Variants in PLA2G4A observed in about 807,000 individuals in gnomAD.
The protein encoded by PLA2G4A is phospholipase A2 group IVA, also known as cytosolic phospholipase A2.
In PLA2G4A, 40 loss-of-function variants were observed where a neutral mutation model predicts 81.9. That is an observed-to-expected ratio of 0.49 (90% CI 0.38 to 0.64). PLA2G4A has a LOEUF of 0.64. Ranked by LOEUF, PLA2G4A falls within the 30% of genes least tolerant of loss-of-function variation. The pLI is 0.00. For missense variants in PLA2G4A, 715 were observed against 905.1 expected (o/e 0.79, Z 2.69); for synonymous variants, 302 against 296.9 (o/e 1.02, Z -0.18).
intron 3 of PLA2G4A, among the ~76,000 whole-genome samples, chr1:186,884,714 C>T (rs1214204595): frequency 1.3e-5 from 2 of 151,880 alleles, no homozygotes; most frequent in African/African-American, 4.8e-5. Flanking sequence ...CCCATCTCTA[C>T]TAAAAACACA....
chr1:186,833,890 A>G (rs1057265090), intron 1 of PLA2G4A, among the ~76,000 whole-genome samples: 1 of 152,212 alleles, frequency 6.6e-6, no homozygotes, highest in Non-Finnish European at 1.5e-5. Flanking sequence ...TATCAGTGTC[A>G]GAGTTTAGCC....
chr1:186,946,635 A>G lies in PLA2G4A; in HGVS notation c.1034-2A>G. The G allele has an allele frequency of 6.2e-7, 1 of 1,605,870 alleles. No homozygotes were observed. The highest frequency in any genetic ancestry group is 8.5e-7 in the Non-Finnish European group (1 of 1,172,892). On this transcript the variant is annotated splice_acceptor_variant, in intron 10 of 17. Transcript: ENST00000367466. LOFTEE classifies it high-confidence loss of function. ...ATTGCCTTGTTTTTAAAATACTTTC[A>G]GATTGGGTTGAATTTAGTCCATACG... is the stretch of plus-strand genomic sequence containing the variant.
chr1:186,970,717 C>T (rs1657327872), intron 15 of PLA2G4A, among the ~76,000 whole-genome samples: 1 of 151,788 alleles, frequency 6.6e-6, no homozygotes, highest in South Asian at 2.1e-4. Context: ...AGTTGAACTG[C>T]AATGGGTGGA....
intron 2 of PLA2G4A, among the ~76,000 whole-genome samples, chr1:186,868,134 G>A (rs1352745941): frequency 3.6e-5 from 5 of 139,198 alleles, no homozygotes; most frequent in Non-Finnish European, 7.5e-5. Context: ...GGAGTGCAAT[G>A]GCGCTATCTT....
chr1:186,969,910 C>G (rs1266328963), intron 15 of PLA2G4A, among the ~76,000 whole-genome samples: 1 of 151,884 alleles, frequency 6.6e-6, no homozygotes, highest in Non-Finnish European at 1.5e-5. Flanking sequence ...ATTTTCCTTT[C>G]TTTTGGGTAT....
intron 7 of PLA2G4A, among the ~76,000 whole-genome samples, chr1:186,919,321 C>T (rs1404833861): frequency 1.3e-5 from 2 of 152,158 alleles, no homozygotes; most frequent in Non-Finnish European, 2.9e-5. Context: ...CTACAGATGA[C>T]CTGCTTTCTT....
chr1:186,949,301 G>C (rs12720634), intron 12 of PLA2G4A, among the ~76,000 whole-genome samples: 54,386 of 138,478 alleles, frequency 0.39, 11,965 homozygotes, highest in Non-Finnish European at 0.51. Flanking sequence ...GAAGGAAAAA[G>C]AAAGAAAGAG....
intron 2 of PLA2G4A, among the ~76,000 whole-genome samples, chr1:186,868,071 C>CTTTT (rs59978011): frequency 4.2e-4 from 47 of 112,900 alleles, no homozygotes; most frequent in African/African-American, 1.4e-3. Flanking sequence ...GTGTATAATT[C>CTTTT]TTTTTTTTTT....
chr1:186,851,599 A>C (rs1652373435), intron 1 of PLA2G4A, among the ~76,000 whole-genome samples: 1 of 152,020 alleles, frequency 6.6e-6, no homozygotes, highest in African/African-American at 2.4e-5. Context: ...CACTTTAAAA[A>C]TGTTGTAATA....
intron 7 of PLA2G4A, among the ~76,000 whole-genome samples, chr1:186,932,069 T>C (rs1474405237): frequency 1.3e-5 from 2 of 152,172 alleles, no homozygotes; most frequent in African/African-American, 4.8e-5. Flanking sequence ...ATAACTTTCA[T>C]TTGCAAAACC....
intron 14 of PLA2G4A, among the ~76,000 whole-genome samples, chr1:186,960,360 C>T (rs1366255796): frequency 6.6e-6 from 1 of 152,144 alleles, no homozygotes; most frequent in East Asian, 1.9e-4. Context: ...TTACAAATAT[C>T]CAAAGCTGAC....
chr1:186,889,232 G>A (rs149060898), intron 3 of PLA2G4A, among the ~76,000 whole-genome samples: 4 of 152,294 alleles, frequency 2.6e-5, no homozygotes, highest in Non-Finnish European at 5.9e-5. Flanking sequence ...AGTTAGAAAT[G>A]AGAATGACTG....
At chr1:186,927,582 T>C (rs76137871) in intron 7 of PLA2G4A, among the ~76,000 whole-genome samples, 1 of 152,206 alleles carries the variant, frequency 6.6e-6, no homozygotes, top group Non-Finnish European at 1.5e-5. Flanking sequence ...ATTCTTCTTG[T>C]CATCAGAGTG....
rs189629913 is a variant in PLA2G4A at position 186,916,736 on chromosome 1, A to G, written c.558+5347A>G. On this transcript the variant is annotated intron_variant, in intron 7 of 17. Coordinates refer to ENST00000367466, the MANE Select transcript of PLA2G4A (RefSeq NM_024420.3). ...CTGTACTGAGTGTCATTATATAAAC[A>G]TGTTCCTTTTAAAGTTCCTAGGCAT... 3.0e-4 allele frequency among the ~76,000 whole-genome samples: 45 copies of G among 152,260 alleles called. No individual in the cohort carries two copies. In the East Asian group the frequency reaches 8.1e-3, roughly 27 times the overall value.
At chr1:186,853,054 A>G (rs1652429764) in intron 1 of PLA2G4A, among the ~76,000 whole-genome samples, 1 of 151,936 alleles carries the variant, frequency 6.6e-6, no homozygotes, top group Non-Finnish European at 1.5e-5. Context: ...TACTTTAAAA[A>G]CATTTTTTTT....
In PLA2G4A at chr1:186,988,560, C is replaced by T; in HGVS notation, c.*52C>T. ...TCTGATGCTGAGGCAGTTTGCAATC[C>T]CATGACAACTGGATTTAAAAGTACA... On this transcript the variant is annotated 3_prime_UTR_variant, in exon 18 of 18. Transcript: ENST00000367466. The T allele has an allele frequency of 9.2e-6, 14 of 1,529,938 alleles. No individual in the cohort carries two copies. The highest frequency in any genetic ancestry group is 1.1e-5 in the Non-Finnish European group (12 of 1,108,058). The allele number at this position is 1,529,938 out of a possible 1,614,324, so 94.8% of individuals were successfully genotyped here.
In PLA2G4A at chr1:186,870,526, C is replaced by CT. The variant is rs540044838; in HGVS notation, c.115+17dup. 79 of 1,576,822 alleles carry CT rather than the reference C, an allele frequency of 5.0e-5. No homozygotes were observed. Among genetic ancestry groups the CT allele is most frequent in the Middle Eastern group, 3.4e-4 (2 of 5,950 alleles). ...GCCTTTGGTGACATGCGTAAGTGCC[C>CT]TTTTTTTCTTTGCTGTTAAACATGT... On this transcript the variant is annotated intron_variant, in intron 3 of 17. Coordinates refer to ENST00000367466, the MANE Select transcript of PLA2G4A (RefSeq NM_024420.3).
chr1:186,842,116 C>A (rs959119799), intron 1 of PLA2G4A, among the ~76,000 whole-genome samples: 3 of 149,928 alleles, frequency 2.0e-5, no homozygotes, highest in African/African-American at 7.4e-5. Flanking sequence ...GATCTCGGCT[C>A]ACTGCAACCT....
At chr1:186,938,239 T>C (rs1291509084) in intron 8 of PLA2G4A, among the ~76,000 whole-genome samples, 2 of 151,950 alleles carry the variant, frequency 1.3e-5, no homozygotes, top group Non-Finnish European at 2.9e-5. Flanking sequence ...TAATTAATAG[T>C]CAGCATGAGA....
Sources: allele counts gnomAD v4.1 joint callset (sites outside exome capture counted in the v4.1 genomes callset), GRCh38; gene constraint gnomAD v4.1.1; transcripts MANE v1.5; gene names NCBI Gene and HGNC (gene_info 2026-07-23, HGNC 2026-07-21).